Variants in GARNL3 observed in about 807,000 individuals in gnomAD.
GARNL3 encodes GTPase activating Rap/RanGAP domain like 3, also known as GTPase-activating Rap/Ran-GAP domain-like protein 3.
Under a neutral mutation model 125.0 loss-of-function variants are expected in GARNL3, and 63 were observed. The ratio of observed to expected loss-of-function variants is 0.50; its 90% confidence interval spans 0.41 to 0.62. The LOEUF (loss-of-function observed/expected upper bound fraction) is 0.62, where lower values mean the gene tolerates loss of function less well. Among genes scored for constraint, GARNL3 ranks in the 20% least tolerant of loss-of-function variants. The pLI, the probability that GARNL3 is intolerant of heterozygous loss-of-function variation, is 0.00. For missense variants in GARNL3, 994 were observed against 1,244.0 expected (o/e 0.80, Z 3.02); for synonymous variants, 439 against 457.5 (o/e 0.96, Z 0.52).
At chr9:127,270,504 C>T (rs2063798854) in intron 1 of GARNL3, among the ~76,000 whole-genome samples, 1 of 152,186 alleles carries the variant, frequency 6.6e-6, no homozygotes, top group South Asian at 2.1e-4. Flanking sequence ...GTCTCTGGAA[C>T]ACACTGAGCT....
At chr9:127,352,474 C>G (rs1830468595) in intron 17 of GARNL3, among the ~76,000 whole-genome samples, 1 of 152,102 alleles carries the variant, frequency 6.6e-6, no homozygotes, top group Non-Finnish European at 1.5e-5. Flanking sequence ...GATGATCGTC[C>G]AGTGTTTTGA....
chr9:127,225,795 T>TCCGCGGCCCGGCTTGCCCTGGCGC (rs367558671), intron 1 of GARNL3, among the ~76,000 whole-genome samples: 19 of 149,372 alleles, frequency 1.3e-4, no homozygotes, highest in Admixed American at 1.1e-3. Flanking sequence ...ACCTGCTGCC[T>TCCGCGGCCCGGCTTGCCCTGGCGC]CCGCGGCCCC....
chr9:127,307,946 G>A (rs561052240), intron 2 of GARNL3, among the ~76,000 whole-genome samples: 37 of 152,336 alleles, frequency 2.4e-4, no homozygotes, highest in African/African-American at 8.7e-4. Context: ...CTCCCCCTAT[G>A]TCTGGTCAGC....
intron 5 of GARNL3, 95 bp from the exon 6 acceptor site, chr9:127,320,620 A>G: frequency 1.3e-6 from 1 of 762,774 alleles, no homozygotes. Context: ...GTATCTTCTG[A>G]GTGTCAGGCC....
At chr9:127,278,584 C>G (rs1485236840) in intron 1 of GARNL3, among the ~76,000 whole-genome samples, 3 of 152,196 alleles carry the variant, frequency 2.0e-5, no homozygotes, top group African/African-American at 7.2e-5. Flanking sequence ...TTTTAAGTGT[C>G]TGAGTCATCA....
chr9:127,243,253 A>C, intron 2 of GARNL3: 1 of 1,366,490 alleles, frequency 7.3e-7, no homozygotes, highest in Non-Finnish European at 9.8e-7. Flanking sequence ...TCAACCTGTA[A>C]GTAAGTAAAA....
rs1832489821 is a variant in GARNL3, at chr9:127,385,377, T to G, written c.2388+232T>G. On this transcript the variant is annotated intron_variant, in intron 24 of 27. Transcript: ENST00000373387. This position sits in a 1 kb window ranked among gnomAD's most constrained non-coding sequence, Gnocchi z 4.1. ...TTTGTTAATAGTCATTAACTGGTGC[T>G]GGTGGCAGCTGGGGAGCACTTAGCT... Among the ~76,000 whole-genome samples the G allele has an allele frequency of 6.6e-6, 1 of 152,212 alleles. No homozygotes were observed. The highest frequency in any genetic ancestry group is 2.4e-5 in the African/African-American group (1 of 41,452).
intron 1 of GARNL3, among the ~76,000 whole-genome samples, chr9:127,267,296 G>T (rs1020723358): frequency 6.6e-6 from 1 of 152,002 alleles, no homozygotes. Context: ...AAAATTCCAC[G>T]TATAATCTTA....
At chr9:127,296,783 T>C (rs2064609190) in intron 2 of GARNL3, among the ~76,000 whole-genome samples, 1 of 152,040 alleles carries the variant, frequency 6.6e-6, no homozygotes, top group Non-Finnish European at 1.5e-5. Flanking sequence ...GTAGGCATGA[T>C]TAATTAAATC....
In GARNL3 at chr9:127,355,326, C is replaced by T. The variant is rs762928956; in HGVS notation, c.1789C>T (p.His597Tyr). The change falls in exon 20 of 28, where the codon CAC becomes TAC. Residue 597 changes from histidine to tyrosine, a missense_variant. This residue lies in a region of GARNL3 where 728 missense variants were observed against 865.7 expected (regional missense o/e 0.84). Transcript: ENST00000373387. ...CCACCTGTATGCTATTAACACTCAC[C>T]ACAGCAGAGAGCTGAGGATTGTGGT... ...GCHLYAINTH[H>Y]SRELRIVVAI... 6.2e-7 allele frequency: 1 copy of T among 1,614,072 alleles called. No individual in the cohort carries two copies. The highest frequency in any genetic ancestry group is 1.3e-5 in the African/African-American group (1 of 74,936).
chr9:127,225,235 C>A (rs1379841043), intron 1 of GARNL3: 4 of 440,558 alleles, frequency 9.1e-6, no homozygotes, highest in African/African-American at 6.5e-5. Flanking sequence ...ACGTGGGCTG[C>A]GGCGCGCGAG....
rs557219889 is a variant in GARNL3 at position 127,316,672 on chromosome 9, TA to T, written c.439-1389del. Among the ~76,000 whole-genome samples, 143 of 152,334 alleles carry T rather than the reference TA, an allele frequency of 9.4e-4. 1 individual carries two copies. Among genetic ancestry groups the T allele is most frequent in the African/African-American group, 3.3e-3 (138 of 41,578 alleles). On this transcript the variant is annotated intron_variant, in intron 4 of 27. Transcript: ENST00000373387. ...AAAAGCTCAGCCCAGTTTCCTTGGCTAATGGAGAACCCATAAGAAGGGCTCT... is the reference window on the plus strand; with the variant it reads ...AAAAGCTCAGCCCAGTTTCCTTGGCTATGGAGAACCCATAAGAAGGGCTCT...
chr9:127,240,613 T>A (rs1648358707), intron 1 of GARNL3, among the ~76,000 whole-genome samples: 1 of 152,200 alleles, frequency 6.6e-6, no homozygotes, highest in Non-Finnish European at 1.5e-5. Flanking sequence ...AAAATTCATT[T>A]TAATAAGGGG....
intron 22 of GARNL3, among the ~76,000 whole-genome samples, chr9:127,366,179 G>C (rs985049891): frequency 6.6e-6 from 1 of 152,162 alleles, no homozygotes; most frequent in Non-Finnish European, 1.5e-5. Context: ...CAGATGTTTT[G>C]ATTAATTAAT....
Position 127,391,533 on chromosome 9 carries a change from A to AAAAAAAAAAAAAAAAAAAAAATATAT in GARNL3, c.2870+767_2870+768insAAAAAAAAAAAAAAAAAAAATATATA. 1.2e-3 allele frequency among the ~76,000 whole-genome samples: 91 copies of AAAAAAAAAAAAAAAAAAAAAATATAT among 75,718 alleles called. 1 individual carries two copies. Among genetic ancestry groups the AAAAAAAAAAAAAAAAAAAAAATATAT allele is most frequent in the South Asian group, 2.1e-3 (3 of 1,420 alleles). 49.7% of individuals were successfully genotyped at this position (75,718 alleles called of 152,430 possible). A position where few individuals can be genotyped will look rare whatever the true frequency, so the allele number is the denominator to read the frequency against. On this transcript the variant is annotated intron_variant, in intron 27 of 27. Coordinates refer to ENST00000373387, the MANE Select transcript of GARNL3 (RefSeq NM_032293.5). The stretch of plus-strand genomic sequence containing the variant: ...GCAAGACCCATCTCTACAAAAAAAA[A>AAAAAAAAAAAAAAAAAAAAAATATAT]ATATATATATATATATATAGGCTGG...
chr9:127,275,242 T>C (rs984396467), intron 1 of GARNL3, among the ~76,000 whole-genome samples: 7 of 152,304 alleles, frequency 4.6e-5, no homozygotes, highest in African/African-American at 1.7e-4. Context: ...ATGCATAGAG[T>C]TTGAAAACCA....
intron 2 of GARNL3, among the ~76,000 whole-genome samples, chr9:127,247,528 G>T (rs2063324176): frequency 6.6e-6 from 1 of 152,058 alleles, no homozygotes; most frequent in African/African-American, 2.4e-5. Context: ...TTTAGTTTTT[G>T]ATCTTTTGAG....
At chr9:127,261,884 C>G (rs1464425363), upstream of GARNL3, among the ~76,000 whole-genome samples, 1 of 152,278 alleles carries the variant, frequency 6.6e-6, no homozygotes, top group East Asian at 1.9e-4. Context: ...TGAAACGCCT[C>G]CAATTCTTTC....
chr9:127,362,088 T>G (rs1486886065), intron 21 of GARNL3: 1 of 149,678 alleles, frequency 6.7e-6, no homozygotes, highest in African/African-American at 2.5e-5. Flanking sequence ...TTTTTTTTTT[T>G]GAGACAGAGT....
Sources: gnomAD v4.1 joint callset for allele counts (sites outside exome capture counted in the v4.1 genomes callset) on GRCh38, gnomAD v4.1.1 for gene constraint, gnomAD v4.1.1 regional missense constraint, Gnocchi (gnomAD v3.1) non-coding constraint, MANE v1.5 for transcripts, NCBI Gene and HGNC (gene_info 2026-07-23, HGNC 2026-07-21) for gene names.